Variants in CCDC60 observed in about 807,000 individuals in gnomAD.
CCDC60 encodes coiled-coil domain containing 60.
A neutral mutation model predicts 63.5 loss-of-function variants in CCDC60; 54 were observed. That is an observed-to-expected ratio of 0.85 (90% confidence interval 0.68 to 1.07). The LOEUF is 1.07. Ranked by LOEUF, CCDC60 falls within the 50% of genes least tolerant of loss-of-function variation. CCDC60 has a pLI of 0.00. For synonymous variants in CCDC60, 206 were observed against 238.8 expected (o/e 0.86, Z 1.27); for missense variants, 651 against 684.3 (o/e 0.95, Z 0.54).
At chr12:119,442,681 A>C (rs866943635) in intron 2 of CCDC60, among the ~76,000 whole-genome samples, 2 of 152,236 alleles carry the variant, frequency 1.3e-5, no homozygotes, top group South Asian at 4.1e-4. Context: ...TCCAATATCC[A>C]CACAAACATA....
chr12:119,348,645 T>A (rs1955621928), intron 1 of CCDC60, among the ~76,000 whole-genome samples: 2 of 152,192 alleles, frequency 1.3e-5, no homozygotes, highest in African/African-American at 4.8e-5. Context: ...AAGGACTGAG[T>A]CCAAAATAAT....
intron 7 of CCDC60, among the ~76,000 whole-genome samples, chr12:119,506,985 C>T (rs750778344): frequency 6.6e-5 from 10 of 152,082 alleles, no homozygotes; most frequent in Admixed American, 1.3e-4. Context: ...CTCTGATGCA[C>T]GGGACATCTT....
chr12:119,386,502 A>G (rs1161064288), intron 1 of CCDC60, among the ~76,000 whole-genome samples: 1 of 28,086 alleles, frequency 3.6e-5, no homozygotes, highest in Admixed American at 6.7e-4. Context: ...CCACTCTAAG[A>G]AAAAAAAAAA....
chr12:119,484,240 G>A (rs140358208), intron 4 of CCDC60, among the ~76,000 whole-genome samples: 2 of 152,218 alleles, frequency 1.3e-5, no homozygotes, highest in East Asian at 3.9e-4. Flanking sequence ...GATAATAATA[G>A]TACCTTCTTC....
intron 1 of CCDC60, among the ~76,000 whole-genome samples, chr12:119,371,425 T>C (rs1041426130): frequency 4.6e-5 from 7 of 152,136 alleles, no homozygotes; most frequent in Admixed American, 2.6e-4. Context: ...AGTGGCTCAA[T>C]AAATAGTTGT....
At chr12:119,505,845 A>G (rs1227937648) in intron 7 of CCDC60, among the ~76,000 whole-genome samples, 2 of 152,032 alleles carry the variant, frequency 1.3e-5, no homozygotes, top group Non-Finnish European at 2.9e-5. Context: ...ACAGAGGAAG[A>G]CTCCATCTCA....
chr12:119,339,781 C>T (rs978638384), intron 1 of CCDC60, among the ~76,000 whole-genome samples: 7 of 152,100 alleles, frequency 4.6e-5, no homozygotes, highest in African/African-American at 1.2e-4. Context: ...ATACTCCAGC[C>T]GGGGTGACAG....
intron 1 of CCDC60, among the ~76,000 whole-genome samples, chr12:119,358,529 T>C (rs914178435): frequency 1.4e-4 from 22 of 152,260 alleles, no homozygotes; most frequent in African/African-American, 5.3e-4. Context: ...AGTAGTCTGT[T>C]ATAGCAGCAC....
At chr12:119,530,425 G>T (rs555816222) in intron 12 of CCDC60, among the ~76,000 whole-genome samples, 1 of 151,998 alleles carries the variant, frequency 6.6e-6, no homozygotes, top group South Asian at 2.1e-4. Context: ...ACAAAGCTTT[G>T]ACCCAACCTT....
At chr12:119,442,214 A>G (rs1950460859) in intron 2 of CCDC60, among the ~76,000 whole-genome samples, 1 of 152,242 alleles carries the variant, frequency 6.6e-6, no homozygotes. Flanking sequence ...GCAAAAGATT[A>G]TGAGCATCTT....
intron 1 of CCDC60, among the ~76,000 whole-genome samples, chr12:119,394,443 G>A (rs1484920822): frequency 6.6e-6 from 1 of 152,188 alleles, no homozygotes; most frequent in Non-Finnish European, 1.5e-5. Flanking sequence ...CACCCACCAT[G>A]TGGTAGTCCA....
At chr12:119,383,007 G>C (rs771490907) in intron 1 of CCDC60, among the ~76,000 whole-genome samples, 10 of 152,234 alleles carry the variant, frequency 6.6e-5, no homozygotes, top group Non-Finnish European at 1.3e-4. Flanking sequence ...TCTTGAAGCT[G>C]GTCTTGCAGG....
chr12:119,418,705 A>G (rs928051078), intron 1 of CCDC60, among the ~76,000 whole-genome samples: 9 of 151,920 alleles, frequency 5.9e-5, no homozygotes, highest in Non-Finnish European at 1.2e-4. Context: ...GTGAGCCCCA[A>G]TGCTGTTATC....
At chr12:119,398,435 G>A (rs868355661) in intron 1 of CCDC60, among the ~76,000 whole-genome samples, 18 of 152,234 alleles carry the variant, frequency 1.2e-4, no homozygotes, top group African/African-American at 3.4e-4. Context: ...ACGCCTCCCC[G>A]CAAGCAGAGG....
intron 1 of CCDC60, among the ~76,000 whole-genome samples, chr12:119,358,347 A>G (rs1198829879): frequency 6.6e-6 from 1 of 152,150 alleles, no homozygotes; most frequent in African/African-American, 2.4e-5. Context: ...TTGCTATTAT[A>G]AAAGGGTGAG....
At chr12:119,351,940 T>A (rs1031523272) in intron 1 of CCDC60, among the ~76,000 whole-genome samples, 3 of 152,188 alleles carry the variant, frequency 2.0e-5, no homozygotes, top group African/African-American at 7.2e-5. Flanking sequence ...AATGCCTCAC[T>A]CCCAGTATCA....
intron 1 of CCDC60, among the ~76,000 whole-genome samples, chr12:119,405,149 C>T (rs1956464010): frequency 2.0e-5 from 3 of 152,156 alleles, no homozygotes; most frequent in Non-Finnish European, 2.9e-5. Flanking sequence ...CTCCTGTCTC[C>T]GTGCACACCC....
At chr12:119,466,168 TC>T (rs1020549438) in intron 2 of CCDC60, among the ~76,000 whole-genome samples, 1 of 152,178 alleles carries the variant, frequency 6.6e-6, no homozygotes, top group African/African-American at 2.4e-5. Flanking sequence ...TCACTGACCA[TC>T]TTTTTCTAAA....
intron 1 of CCDC60, among the ~76,000 whole-genome samples, chr12:119,372,116 C>T (rs992927743): frequency 8.6e-5 from 13 of 152,046 alleles, no homozygotes; most frequent in Non-Finnish European, 1.6e-4. Context: ...AAAAATTAGC[C>T]GGGTATGGTG....
Sources: allele counts gnomAD v4.1 joint callset (sites outside exome capture counted in the v4.1 genomes callset), GRCh38; gene constraint gnomAD v4.1.1; transcripts MANE v1.5; gene names NCBI Gene and HGNC (gene_info 2026-07-23, HGNC 2026-07-21).